PLXNA4: variants seen among roughly 807,000 people sequenced by gnomAD.
The protein encoded by PLXNA4 is plexin A4.
A neutral mutation model predicts 191.8 loss-of-function variants in PLXNA4; 44 were observed. The ratio of observed to expected loss-of-function variants is 0.23; its 90% confidence interval spans 0.18 to 0.29. PLXNA4 has a LOEUF of 0.29. Ranked by LOEUF, PLXNA4 falls within the 10% of genes least tolerant of loss-of-function variation. The pLI is 1.00. For missense variants in PLXNA4, 1,800 were observed against 2,488.8 expected (o/e 0.72, Z 5.89); for synonymous variants, 1,082 against 1,009.5 (o/e 1.07, Z -1.36).
intron 3 of PLXNA4, among the ~76,000 whole-genome samples, chr7:132,479,406 A>C (rs1318469015): frequency 2.6e-5 from 4 of 152,198 alleles, no homozygotes; most frequent in African/African-American, 7.2e-5. Context: ...TTTCTCACAG[A>C]TGCAACCCTT....
chr7:132,285,467 T>C (rs1396621928), intron 4 of PLXNA4, among the ~76,000 whole-genome samples: 2 of 152,198 alleles, frequency 1.3e-5, no homozygotes, highest in African/African-American at 4.8e-5. Context: ...CCATTGTGCA[T>C]CCCTTCAAAA....
chr7:132,613,222 G>A (rs771695980), intron 2 of PLXNA4, among the ~76,000 whole-genome samples: 5 of 152,000 alleles, frequency 3.3e-5, no homozygotes, highest in Non-Finnish European at 4.4e-5. Context: ...TTTCCAACTC[G>A]GGATCTTCTC....
At chr7:132,306,939 C>T (rs141355247) in intron 3 of PLXNA4, among the ~76,000 whole-genome samples, 3 of 152,068 alleles carry the variant, frequency 2.0e-5, no homozygotes, top group Non-Finnish European at 2.9e-5. Context: ...AAGACAGATG[C>T]GAATACGGGC....
intron 3 of PLXNA4, among the ~76,000 whole-genome samples, chr7:132,446,329 A>G (rs1428166293): frequency 6.6e-6 from 1 of 152,220 alleles, no homozygotes; most frequent in Non-Finnish European, 1.5e-5. Flanking sequence ...CAAACTAGGC[A>G]CAGGCACTGT....
chr7:132,194,378 G>T (rs1031048057), intron 13 of PLXNA4, among the ~76,000 whole-genome samples, 199 bp from the exon 14 acceptor site: 4 of 152,192 alleles, frequency 2.6e-5, no homozygotes, highest in African/African-American at 9.6e-5. Flanking sequence ...ACTGACCTAT[G>T]GGATCTCCTT....
chr7:132,281,296 C>T (rs1311703790), intron 4 of PLXNA4, among the ~76,000 whole-genome samples: 1 of 152,106 alleles, frequency 6.6e-6, no homozygotes, highest in Admixed American at 6.6e-5. Context: ...CTGAATAAAT[C>T]AAGATTTTTT....
intron 1 of PLXNA4, among the ~76,000 whole-genome samples, chr7:132,559,934 G>C (rs1242654710): frequency 6.6e-6 from 1 of 152,108 alleles, no homozygotes; most frequent in Non-Finnish European, 1.5e-5. Context: ...TGAGAAACAG[G>C]GGGTAGAACC....
chr7:132,279,347 A>G (rs998817243), intron 4 of PLXNA4, among the ~76,000 whole-genome samples: 1 of 152,164 alleles, frequency 6.6e-6, no homozygotes, highest in Non-Finnish European at 1.5e-5. Flanking sequence ...TGCTCTACAC[A>G]TGAGAAAATT....
intron 18 of PLXNA4, 152 bp from the exon 19 acceptor site, chr7:132,180,884 T>C (rs1312410938): frequency 7.7e-7 from 1 of 1,303,334 alleles, no homozygotes; most frequent in East Asian, 2.5e-5. Flanking sequence ...ATTCATGGCA[T>C]GACTACCACC....
intron 3 of PLXNA4, among the ~76,000 whole-genome samples, chr7:132,410,648 G>A (rs908246608): frequency 2.0e-5 from 3 of 152,172 alleles, no homozygotes; most frequent in East Asian, 1.9e-4. Context: ...TAAAGGTTTC[G>A]TCTGTCTAGG....
chr7:132,609,008 G>A (rs2116851303), intron 2 of PLXNA4, among the ~76,000 whole-genome samples: 1 of 152,146 alleles, frequency 6.6e-6, no homozygotes, highest in South Asian at 2.1e-4. Context: ...TTCTCTACCT[G>A]GGGGGCCCTT....
chr7:132,450,152 C>T (rs573722421), intron 3 of PLXNA4, among the ~76,000 whole-genome samples: 70 of 152,328 alleles, frequency 4.6e-4, no homozygotes, highest in African/African-American at 1.6e-3. Flanking sequence ...CTTGCTCAGG[C>T]TCGCACAGAA....
intron 2 of PLXNA4, among the ~76,000 whole-genome samples, chr7:132,607,945 C>A (rs370942412): frequency 6.8e-5 from 10 of 147,212 alleles, no homozygotes; most frequent in South Asian, 2.2e-4. Flanking sequence ...CGCCATCATC[C>A]TCATCACTAT....
At chr7:132,233,468 G>A (rs1798591322) in intron 5 of PLXNA4, among the ~76,000 whole-genome samples, 1 of 152,160 alleles carries the variant, frequency 6.6e-6, no homozygotes, top group South Asian at 2.1e-4. Context: ...AAGTATTTGG[G>A]TTGTGCCATG....
At chr7:132,557,243 G>T (rs1242386801) in intron 1 of PLXNA4, among the ~76,000 whole-genome samples, 2 of 152,196 alleles carry the variant, frequency 1.3e-5, no homozygotes, top group Non-Finnish European at 2.9e-5. Context: ...ACCATGAGAA[G>T]CAATGAGCTC....
intron 2 of PLXNA4, among the ~76,000 whole-genome samples, chr7:132,630,378 A>G (rs1222227995): frequency 2.6e-5 from 4 of 152,212 alleles, no homozygotes; most frequent in Admixed American, 2.6e-4. Context: ...CTTTCTGAAA[A>G]TCACTTTGCT....
chr7:132,626,915 G>A (rs889199763), intron 2 of PLXNA4, among the ~76,000 whole-genome samples: 2 of 152,106 alleles, frequency 1.3e-5, no homozygotes, highest in South Asian at 4.1e-4. Flanking sequence ...TACTCTGTCC[G>A]TTTCCTTTCA....
upstream of PLXNA4, among the ~76,000 whole-genome samples, chr7:132,577,929 A>G (rs973235176): frequency 2.0e-5 from 3 of 152,084 alleles, no homozygotes; most frequent in African/African-American, 7.2e-5. Context: ...ACGAGAGAAC[A>G]TGAGTGGCCA....
intron 3 of PLXNA4, among the ~76,000 whole-genome samples, chr7:132,423,009 G>A (rs1309977465): frequency 6.6e-6 from 1 of 152,142 alleles, no homozygotes; most frequent in African/African-American, 2.4e-5. Flanking sequence ...TGGATGGTGT[G>A]GCAGGTTCTG....
Sources: gnomAD v4.1 joint callset for allele counts (sites outside exome capture counted in the v4.1 genomes callset) on GRCh38, gnomAD v4.1.1 for gene constraint, MANE v1.5 for transcripts, NCBI Gene and HGNC (gene_info 2026-07-23, HGNC 2026-07-21) for gene names.